The following AGBL1 variants were observed in gnomAD, a reference collection of about 807,000 sequenced individuals.
The protein encoded by AGBL1 is AGBL carboxypeptidase 1, also known as cytosolic carboxypeptidase 4.
In AGBL1, 130 loss-of-function variants were observed where a neutral mutation model predicts 118.9. The ratio of observed to expected loss-of-function variants is 1.09; its 90% confidence interval spans 0.95 to 1.26. The LOEUF is 1.26. AGBL1 is among the 50% of genes most tolerant of loss of function. The pLI is 0.00. For synonymous variants in AGBL1, 555 were observed against 478.9 expected, an observed-to-expected ratio of 1.16 and a Z score of -2.08; for missense variants, 1,584 against 1,298.1, an observed-to-expected ratio of 1.22 and a Z score of -3.38.
chr15:86,288,055 A>C (rs879693470), intron 16 of AGBL1, among the ~76,000 whole-genome samples: 1 of 152,186 alleles, frequency 6.6e-6, no homozygotes, highest in Non-Finnish European at 1.5e-5. Context: ...CACAGCACTT[A>C]CACACTACGG....
intron 17 of AGBL1, among the ~76,000 whole-genome samples, chr15:86,325,698 C>A (rs964033238): frequency 1.2e-4 from 18 of 152,170 alleles, no homozygotes; most frequent in African/African-American, 4.3e-4. Flanking sequence ...AACAGTTAAT[C>A]TCCCTTTCTC....
At chr15:86,452,056 G>A (rs1160487728) in intron 18 of AGBL1, among the ~76,000 whole-genome samples, 9 of 152,120 alleles carry the variant, frequency 5.9e-5, no homozygotes, top group Non-Finnish European at 1.0e-4. Flanking sequence ...TGGTGGAGGA[G>A]CCTTATGCCA....
intron 22 of AGBL1, among the ~76,000 whole-genome samples, chr15:86,832,537 G>T (rs1030136086): frequency 2.0e-5 from 3 of 152,150 alleles, no homozygotes; most frequent in Non-Finnish European, 2.9e-5. Context: ...AAGTTTGACA[G>T]ATTTCTAGGA....
rs145222770 is a variant in AGBL1, at chr15:86,508,755, C to T, written c.2556-14055C>T. Among the ~76,000 whole-genome samples, 1,056 of 152,188 alleles carry T rather than the reference C, an allele frequency of 6.9e-3. 12 individuals carry two copies. The highest frequency in any genetic ancestry group is 0.024 in the African/African-American group (983 of 41,532). Reference sequence around the variant, plus strand: ...TGAGTATTGAAGCAGATTCAATAAACATACAAGATGCAGTACTATCCTCAA... The same window carrying T: ...TGAGTATTGAAGCAGATTCAATAAATATACAAGATGCAGTACTATCCTCAA... On this transcript the variant is annotated intron_variant, in intron 18 of 22. Transcript: ENST00000614907.
At chr15:86,971,363 C>T (rs2081106885) in intron 23 of AGBL1, among the ~76,000 whole-genome samples, 1 of 151,996 alleles carries the variant, frequency 6.6e-6, no homozygotes, top group South Asian at 2.1e-4. Flanking sequence ...TTGCCATCTA[C>T]TACGTGTTTC....
At chr15:86,709,184 T>C (rs913898126) in intron 22 of AGBL1, among the ~76,000 whole-genome samples, 1 of 152,144 alleles carries the variant, frequency 6.6e-6, no homozygotes, top group Non-Finnish European at 1.5e-5. Flanking sequence ...ACTCATCATC[T>C]GAAGACAGAC....
intron 23 of AGBL1, among the ~76,000 whole-genome samples, chr15:86,956,155 A>G (rs2080928116): frequency 6.6e-6 from 1 of 152,066 alleles, no homozygotes; most frequent in African/African-American, 2.4e-5. Context: ...ATTCTGTATT[A>G]GGGTTCTCTA....
chr15:86,780,459 C>T (rs74025470), intron 22 of AGBL1, among the ~76,000 whole-genome samples: 9,378 of 152,068 alleles, frequency 0.062, 520 homozygotes, highest in Admixed American at 0.17. Flanking sequence ...TGGCCATTTG[C>T]ATTTTCATGT....
At chr15:86,351,900 C>G (rs931875377) in intron 17 of AGBL1, among the ~76,000 whole-genome samples, 3 of 151,874 alleles carry the variant, frequency 2.0e-5, no homozygotes, top group Non-Finnish European at 4.4e-5. Flanking sequence ...AAACATAGAC[C>G]AAGGGTGTTC....
chr15:86,725,389 C>T (rs191553606), intron 22 of AGBL1, among the ~76,000 whole-genome samples: 68 of 152,008 alleles, frequency 4.5e-4, no homozygotes, highest in Non-Finnish European at 2.2e-4. Flanking sequence ...GGAGGTTTTC[C>T]AGGGAAAGGG....
At chr15:86,191,115 G>T (rs138120120) in intron 5 of AGBL1, among the ~76,000 whole-genome samples, 1 of 151,796 alleles carries the variant, frequency 6.6e-6, no homozygotes, top group Non-Finnish European at 1.5e-5. Context: ...AGACTGAGGC[G>T]GGGGGATCAC....
chr15:86,214,982 G>C lies in AGBL1; in HGVS notation c.489-9932G>C, dbSNP rs772495887. Among the ~76,000 whole-genome samples the C allele has an allele frequency of 2.6e-5, 4 of 152,308 alleles. No individual in the cohort carries two copies. In the South Asian group the frequency reaches 6.2e-4, roughly 24 times the overall value. On this transcript the variant is annotated intron_variant, in intron 5 of 22. Coordinates refer to ENST00000614907, the MANE Select transcript of AGBL1 (RefSeq NM_001386094.1). ...TTGACAGCATCTGGATAGAGTTGTA[G>C]GGGAGGAGGTTCTTTGTTTCCAAAG...
chr15:86,202,657 C>T (rs971971295), intron 5 of AGBL1, among the ~76,000 whole-genome samples: 1 of 152,136 alleles, frequency 6.6e-6, no homozygotes, highest in Admixed American at 6.5e-5. Flanking sequence ...TTTTATAATC[C>T]TTAAAATACC....
intron 21 of AGBL1, among the ~76,000 whole-genome samples, chr15:86,592,914 G>C (rs2084357758): frequency 6.6e-6 from 1 of 152,126 alleles, no homozygotes; most frequent in Non-Finnish European, 1.5e-5. Context: ...TATCTGCCTA[G>C]CTACCTGCTC....
At chr15:86,778,921 G>GT (rs34152483) in intron 22 of AGBL1, among the ~76,000 whole-genome samples, 15,591 of 152,186 alleles carry the variant, frequency 0.1, 877 homozygotes, top group Admixed American at 0.13. Context: ...AAAGACAGGC[G>GT]TAAGAAATTA....
intron 18 of AGBL1, among the ~76,000 whole-genome samples, chr15:86,516,424 A>G (rs1324646566): frequency 6.6e-6 from 1 of 152,166 alleles, no homozygotes; most frequent in Non-Finnish European, 1.5e-5. Flanking sequence ...GAAACTTCCA[A>G]CGCAGAGGGC....
chr15:86,230,653 G>A (rs1235416800), intron 6 of AGBL1, among the ~76,000 whole-genome samples: 1 of 152,146 alleles, frequency 6.6e-6, no homozygotes, highest in Non-Finnish European at 1.5e-5. Context: ...ACGAGAACTG[G>A]AAAACACCTT....
At chr15:86,418,252 T>C (rs1245846937) in intron 18 of AGBL1, among the ~76,000 whole-genome samples, 1 of 152,232 alleles carries the variant, frequency 6.6e-6, no homozygotes, top group Non-Finnish European at 1.5e-5. Flanking sequence ...CACAGGTCCA[T>C]TTAGTTATGA....
intron 22 of AGBL1, among the ~76,000 whole-genome samples, chr15:86,719,072 A>T (rs994776057): frequency 6.6e-6 from 1 of 152,172 alleles, no homozygotes; most frequent in Non-Finnish European, 1.5e-5. Flanking sequence ...GTTCATGGGA[A>T]TGGCTCTCTG....
Sources: allele counts gnomAD v4.1 joint callset (sites outside exome capture counted in the v4.1 genomes callset), GRCh38; gene constraint gnomAD v4.1.1; transcripts MANE v1.5; gene names NCBI Gene and HGNC (gene_info 2026-07-23, HGNC 2026-07-21).